Variants in IGF1R observed in about 807,000 individuals in gnomAD.
IGF1R encodes insulin like growth factor 1 receptor.
IGF1R carries 44 observed loss-of-function variants against 144.6 expected under a neutral mutation model. That is an observed-to-expected ratio of 0.30 (90% CI 0.24 to 0.39). The LOEUF (loss-of-function observed/expected upper bound fraction) is 0.39. Among genes scored for constraint, IGF1R ranks in the 10% least tolerant of loss-of-function variants. IGF1R has a pLI of 1.00. For synonymous variants in IGF1R, 795 were observed against 722.8 expected, an observed-to-expected ratio of 1.10 and a Z score of -1.60; for missense variants, 1,355 against 1,833.7, an observed-to-expected ratio of 0.74 and a Z score of 4.77.
chr15:98,814,161 C>T (rs769270040), intron 2 of IGF1R, among the ~76,000 whole-genome samples: 6 of 152,156 alleles, frequency 3.9e-5, no homozygotes, highest in Non-Finnish European at 7.4e-5. Context: ...AGCACATCAT[C>T]GTGGGTTGCT....
At position 98,896,250 on chromosome 15, in the gene IGF1R, A is replaced by G. The variant is rs149002029; in HGVS notation, c.954-507A>G. 8.0e-3 allele frequency among the ~76,000 whole-genome samples: 1,219 copies of G among 152,264 alleles called. 16 individuals carry two copies. Among genetic ancestry groups the G allele is most frequent in the African/African-American group, 0.027 (1,142 of 41,546 alleles). ...TACCACATGCCTTTTGGTATCCCTC[A>G]CTGGGCTTTGCCAAAACACTGACTG... On this transcript the variant is annotated intron_variant, in intron 3 of 20. Coordinates refer to ENST00000650285, the MANE Select transcript of IGF1R (RefSeq NM_000875.5).
intron 1 of IGF1R, among the ~76,000 whole-genome samples, chr15:98,677,096 G>A (rs887464558): frequency 6.6e-6 from 1 of 151,932 alleles, no homozygotes; most frequent in African/African-American, 2.4e-5. Flanking sequence ...CACCATGCCT[G>A]GCTAAGTTTT....
intron 5 of IGF1R, among the ~76,000 whole-genome samples, chr15:98,902,677 G>A (rs1230347486): frequency 1.3e-5 from 2 of 151,574 alleles, no homozygotes; most frequent in African/African-American, 2.4e-5. Context: ...GCCTCCCAAT[G>A]TGCTGGGATT....
At chr15:98,667,026 C>G (rs373920294) in intron 1 of IGF1R, among the ~76,000 whole-genome samples, 1 of 151,932 alleles carries the variant, frequency 6.6e-6, no homozygotes, top group Non-Finnish European at 1.5e-5. Flanking sequence ...CTAGGTACCA[C>G]GGGATCACTG....
Position 98,916,665 on chromosome 15 carries a change from C to T in IGF1R, c.1997-7C>T, listed in dbSNP as rs1392067183. The T allele has an allele frequency of 9.9e-6, 16 of 1,613,336 alleles. No homozygotes were observed. Among genetic ancestry groups the T allele is most frequent in the African/African-American group, 2.7e-5 (2 of 74,830 alleles). The stretch of plus-strand genomic sequence containing the variant: ...CACTCTTGTTTTGGCTTTTCTTTTC[C>T]GAGAAGACAAAATCCCCATCAGGAA... On this transcript the variant is annotated splice_region_variant and splice_polypyrimidine_tract_variant and intron_variant, in intron 9 of 20. Transcript: ENST00000650285.
chr15:98,668,686 A>C (rs2052805946), intron 1 of IGF1R, among the ~76,000 whole-genome samples: 1 of 152,160 alleles, frequency 6.6e-6, no homozygotes, highest in African/African-American at 2.4e-5. Context: ...GGAGAGCTTA[A>C]ATTTCACTCT....
In IGF1R at chr15:98,741,235, C is replaced by CTG. The variant is rs755082795; in HGVS notation, c.640+33129_640+33130insGT. Among the ~76,000 whole-genome samples, 109 of 70,312 alleles carry CTG rather than the reference C, an allele frequency of 1.6e-3. 8 individuals carry two copies. The highest frequency in any genetic ancestry group is 8.3e-3 in the South Asian group (17 of 2,060). The allele number at this position is 70,312 out of a possible 152,430, so 46.1% of individuals were successfully genotyped here. ...TATGGCTTTATATAGTTTTCCTGAG[C>CTG]TTTTTTTTTTTTTTTTTTTTTTTTT... On this transcript the variant is annotated intron_variant, in intron 2 of 20. Coordinates refer to ENST00000650285, the MANE Select transcript of IGF1R (RefSeq NM_000875.5).
At chr15:98,846,997 C>A (rs564929812) in intron 2 of IGF1R, among the ~76,000 whole-genome samples, 43 of 152,060 alleles carry the variant, frequency 2.8e-4, no homozygotes, top group African/African-American at 1.0e-3. Flanking sequence ...TTTTTTTGGA[C>A]ACAAATTCTC....
At chr15:98,951,837 A>G (rs1037399495) in intron 20 of IGF1R, among the ~76,000 whole-genome samples, 2 of 152,250 alleles carry the variant, frequency 1.3e-5, no homozygotes, top group Admixed American at 6.5e-5. Context: ...CTGTGGGCCC[A>G]TACGACCTTG....
intron 2 of IGF1R, among the ~76,000 whole-genome samples, chr15:98,746,505 C>T (rs1271069477): frequency 6.6e-6 from 1 of 152,088 alleles, no homozygotes; most frequent in African/African-American, 2.4e-5. Flanking sequence ...ACTGTCAGGG[C>T]GCCTCTCAGA....
chr15:98,800,486 A>G (rs2056337330), intron 2 of IGF1R, among the ~76,000 whole-genome samples: 1 of 152,140 alleles, frequency 6.6e-6, no homozygotes, highest in African/African-American at 2.4e-5. Flanking sequence ...TTACCAACAA[A>G]GAACAACCTT....
chr15:98,720,350 C>T (rs1431127737), intron 2 of IGF1R, among the ~76,000 whole-genome samples: 1 of 152,202 alleles, frequency 6.6e-6, no homozygotes, highest in Non-Finnish European at 1.5e-5. Context: ...GACTTTCCTT[C>T]CAGCTCTGAG....
chr15:98,830,644 C>T (rs2056985354), intron 2 of IGF1R, among the ~76,000 whole-genome samples: 1 of 145,262 alleles, frequency 6.9e-6, no homozygotes, highest in Admixed American at 6.7e-5. Context: ...CATTCTGTCA[C>T]CCAGGCTGGA....
intron 2 of IGF1R, among the ~76,000 whole-genome samples, chr15:98,830,603 A>ACCT (rs949484748): frequency 7.5e-6 from 1 of 133,722 alleles, no homozygotes; most frequent in African/African-American, 3.3e-5. Context: ...TCTGATCATC[A>ACCT]TCTTTTTTTT....
intron 18 of IGF1R, among the ~76,000 whole-genome samples, chr15:98,939,917 C>T (rs1425830555): frequency 6.6e-6 from 1 of 152,186 alleles, no homozygotes; most frequent in Non-Finnish European, 1.5e-5. Flanking sequence ...GGCCAGCCTC[C>T]AAGCTCTCGA....
chr15:98,737,951 C>T (rs1283247625), intron 2 of IGF1R, among the ~76,000 whole-genome samples: 1 of 152,170 alleles, frequency 6.6e-6, no homozygotes, highest in Non-Finnish European at 1.5e-5. Context: ...GATTCCTGGT[C>T]CCGCAGCCGT....
chr15:98,763,914 T>C (rs1248799398), intron 2 of IGF1R, among the ~76,000 whole-genome samples: 1 of 152,206 alleles, frequency 6.6e-6, no homozygotes, highest in Non-Finnish European at 1.5e-5. Context: ...GGCCATGTAC[T>C]TTGCTTCTAG....
chr15:98,948,741 G>T, intron 20 of IGF1R, 33 bp downstream of exon 20: 1 of 1,612,020 alleles, frequency 6.2e-7, no homozygotes, highest in Non-Finnish European at 8.5e-7. Context: ...GTGCTCTTCT[G>T]AGTTCTCTTC....
intron 1 of IGF1R, among the ~76,000 whole-genome samples, chr15:98,701,073 G>C (rs576809314): frequency 1.3e-5 from 2 of 152,070 alleles, no homozygotes; most frequent in Admixed American, 6.5e-5. Context: ...GTTGTACTAA[G>C]TTATTGGTTC....
Sources: allele counts gnomAD v4.1 joint callset (sites outside exome capture counted in the v4.1 genomes callset), GRCh38; gene constraint gnomAD v4.1.1; transcripts MANE v1.5; gene names NCBI Gene and HGNC (gene_info 2026-07-23, HGNC 2026-07-21).